The following SLC51A variants were observed in gnomAD, a reference collection of about 807,000 sequenced individuals.
The protein encoded by SLC51A is solute carrier family 51 member A, also known as organic solute transporter subunit alpha.
In SLC51A, 22 loss-of-function variants were observed where a neutral mutation model predicts 34.8. That is an observed-to-expected ratio of 0.63 (90% confidence interval 0.45 to 0.90). The LOEUF (loss-of-function observed/expected upper bound fraction) is 0.90, where lower values mean the gene tolerates loss of function less well. SLC51A is among the 40% of genes least tolerant of loss of function. SLC51A has a pLI of 0.00. For missense variants in SLC51A, 371 were observed against 414.8 expected (o/e 0.89, Z 0.92); for synonymous variants, 181 against 176.3 (o/e 1.03, Z -0.21).
intron 2 of SLC51A, among the ~76,000 whole-genome samples, chr3:196,219,094 C>T (rs537582947): frequency 1.2e-4 from 19 of 152,154 alleles, no homozygotes; most frequent in South Asian, 2.1e-4. Flanking sequence ...GGCGTGGTGG[C>T]GGGCACCTGT....
At chr3:196,227,207 C>CCGTCACTTA (rs57985677) in intron 3 of SLC51A, 88 bp downstream of exon 3, 1 of 1,443,318 alleles carries the variant, frequency 6.9e-7, no homozygotes, top group Non-Finnish European at 9.4e-7. Context: ...CACGTCACTT[C>CCGTCACTTA]GGCAAAGAGT....
In SLC51A at chr3:196,227,437, C is replaced by T. The variant is rs374416588; in HGVS notation, c.289-227C>T. On this transcript the variant is annotated intron_variant, in intron 3 of 8. Coordinates refer to ENST00000296327, the MANE Select transcript of SLC51A (RefSeq NM_152672.6). The stretch of plus-strand genomic sequence containing the variant: ...TTCCTCAGAGTGTGGGGGAAAGTCT[C>T]ATTCCACAGGGTCACACTCAGCTCC... 1,198 of 596,072 alleles carry T rather than the reference C, an allele frequency of 2.0e-3. 33 individuals are homozygous for T. The South Asian group carries it at 0.023, about 11-fold the overall frequency. 36.9% of individuals were successfully genotyped at this position (596,072 alleles called of 1,614,324 possible).
At position 196,228,674 on chromosome 3, in the gene SLC51A, G is replaced by T; in HGVS notation, c.522-135G>T. ...TCTCAACATTCTGCTTTTTTCCTCT[G>T]TCCCCATCCACTTAACCTGGTTGGT... On this transcript the variant is annotated intron_variant, in intron 5 of 8. Transcript: ENST00000296327. This position sits in a 1 kb window ranked among gnomAD's most constrained non-coding sequence, Gnocchi z 4.9. The T allele has an allele frequency of 4.1e-6, 3 of 727,440 alleles. No homozygotes were observed. Among genetic ancestry groups the T allele is most frequent in the Admixed American group, 4.5e-5 (2 of 44,052 alleles). 45.1% of individuals were successfully genotyped at this position (727,440 alleles called of 1,614,324 possible).
At chr3:196,227,966 C>A in intron 4 of SLC51A, 149 bp from the exon 5 acceptor site, 1 of 1,111,120 alleles carries the variant, frequency 9.0e-7, no homozygotes, top group South Asian at 1.5e-5. Context: ...TTCTCCCAGT[C>A]CTGTGGGCCG....
intron 7 of SLC51A, among the ~76,000 whole-genome samples, chr3:196,231,592 AATG>A (rs1186652873): frequency 6.6e-6 from 1 of 152,182 alleles, no homozygotes; most frequent in African/African-American, 2.4e-5. Flanking sequence ...AAGTCCCCGG[AATG>A]AGTCAGGGAC....
intron 7 of SLC51A, among the ~76,000 whole-genome samples, chr3:196,230,800 G>T (rs978726588): frequency 1.3e-5 from 2 of 152,118 alleles, no homozygotes; most frequent in Non-Finnish European, 2.9e-5. Context: ...TCTATTTTTA[G>T]GACACCAGTC....
At chr3:196,229,613 G>A (rs1339236626) in intron 6 of SLC51A, among the ~76,000 whole-genome samples, 1 of 151,038 alleles carries the variant, frequency 6.6e-6, no homozygotes, top group African/African-American at 2.4e-5. Flanking sequence ...CTGACCTCAG[G>A]TGATCCGCCC....
Position 196,232,563 on chromosome 3 carries a change from T to C in SLC51A, c.886+39T>C, listed in dbSNP as rs373501869. The C allele has an allele frequency of 2.0e-6, 3 of 1,519,256 alleles. No homozygotes were observed. In the African/African-American group the frequency reaches 4.1e-5, roughly 21 times the overall value. 94.1% of individuals were successfully genotyped at this position (1,519,256 alleles called of 1,614,324 possible). The stretch of plus-strand genomic sequence containing the variant: ...GCCTCCTGTCCCATCGTGGGATGGA[T>C]GAGACGGGGAGAGTCAGGAAAGAAG... On this transcript the variant is annotated intron_variant, in intron 8 of 8. Coordinates refer to ENST00000296327, the MANE Select transcript of SLC51A (RefSeq NM_152672.6).
chr3:196,217,208 G>A (rs533558751), intron 1 of SLC51A, among the ~76,000 whole-genome samples: 5 of 152,204 alleles, frequency 3.3e-5, no homozygotes, highest in African/African-American at 1.2e-4. Flanking sequence ...CCCCACCTGG[G>A]CCAGTTCTCC....
chr3:196,228,826 T>G lies in SLC51A; in HGVS notation c.539T>G (p.Leu180Arg). The G allele has an allele frequency of 6.2e-7, 1 of 1,614,154 alleles. No individual in the cohort carries two copies. Among genetic ancestry groups the G allele is most frequent in the Non-Finnish European group, 8.5e-7 (1 of 1,180,018 alleles). ...LLLTRKKLQL[L>R]MLGPFQYAFL... ...CCACTCAGGAAGAAGCTTCAGCTGC[T>G]GATGTTGGGCCCTTTCCAATACGCC... Residue 180 changes from leucine (L) to arginine (R), a missense_variant, in exon 6 of 9, where the codon CTG becomes CGG. By Grantham distance (102) the Leu-to-Arg change is moderately radical (BLOSUM62 -2). Coordinates refer to ENST00000296327, the MANE Select transcript of SLC51A (RefSeq NM_152672.6). The surrounding 1 kb of genome is among the most constrained non-coding windows in gnomAD (Gnocchi z 4.9).
chr3:196,220,178 C>T lies in SLC51A; in HGVS notation c.133+2242C>T, dbSNP rs74766584. Among the ~76,000 whole-genome samples, 168 of 152,360 alleles carry T rather than the reference C, an allele frequency of 1.1e-3. 1 individual carries two copies. In the East Asian group the frequency reaches 0.029, roughly 26 times the overall value. The stretch of plus-strand genomic sequence containing the variant: ...GCTGCGCGCCGGGCTGGCGGAGGAG[C>T]TGTGCTTTATCCCGCAGCGAGAAGG... On this transcript the variant is annotated intron_variant, in intron 2 of 8. Coordinates refer to ENST00000296327, the MANE Select transcript of SLC51A (RefSeq NM_152672.6).
In SLC51A at chr3:196,229,923, G is replaced by C. The variant is rs982864518; in HGVS notation, c.642G>C (p.Glu214Asp). 5.6e-6 allele frequency: 9 copies of C among 1,603,630 alleles called. No homozygotes were observed. The highest frequency in any genetic ancestry group is 2.2e-5 in the East Asian group (1 of 44,504). Residue 214 changes from glutamate (E) to aspartate (D), a missense_variant, in exon 7 of 9, where the codon GAG (glutamate) becomes GAC (aspartate). Physicochemically the swap from Glu to Asp is conservative, Grantham distance 45. Coordinates refer to ENST00000296327, the MANE Select transcript of SLC51A (RefSeq NM_152672.6). ...CTTTCTGTTGCCACCAGATTTCTGAGGGGAGCACAGCTCTATGGATCAACA... is the reference window on the plus strand; with the variant it reads ...CTTTCTGTTGCCACCAGATTTCTGACGGGAGCACAGCTCTATGGATCAACA... ...DGIYDPADIS[E>D]GSTALWINTF... is the part of the protein sequence containing the mutation.
At chr3:196,220,565 C>A (rs1468781569) in intron 2 of SLC51A, among the ~76,000 whole-genome samples, 1 of 152,130 alleles carries the variant, frequency 6.6e-6, no homozygotes, top group Non-Finnish European at 1.5e-5. Flanking sequence ...CCATTGCACT[C>A]CAGCCTGGGT....
intron 2 of SLC51A, among the ~76,000 whole-genome samples, chr3:196,226,026 T>C (rs183538505): frequency 1.6e-3 from 245 of 152,234 alleles, no homozygotes; most frequent in African/African-American, 4.2e-3. Context: ...TTTGTTGAAG[T>C]TCTCCCCTGG....
intron 2 of SLC51A, chr3:196,224,038 T>A: frequency 3.4e-6 from 1 of 291,776 alleles, no homozygotes; most frequent in Non-Finnish European, 6.7e-6. Context: ...TTTGTATTTT[T>A]GGTAGAGATG....
intron 7 of SLC51A, among the ~76,000 whole-genome samples, chr3:196,230,868 T>A (rs1289327793): frequency 6.6e-6 from 1 of 152,380 alleles, no homozygotes. Flanking sequence ...TAATTACATT[T>A]GTAACAAACT....
chr3:196,230,196 A>C (rs1273599527), intron 7 of SLC51A, 135 bp downstream of exon 7: 43 of 874,064 alleles, frequency 4.9e-5, no homozygotes, highest in Non-Finnish European at 4.4e-5. Context: ...TGAGATTTGG[A>C]AAATGATTCC....
Position 196,216,605 on chromosome 3 carries a change from C to T in SLC51A, c.-108C>T. 1 of 1,114,032 alleles carries T rather than the reference C, an allele frequency of 9.0e-7. No individual in the cohort carries two copies. The allele number at this position is 1,114,032 out of a possible 1,614,324, so 69.0% of individuals were successfully genotyped here. ...GGGGAAGACTCTGCAATTCTGCTTGCCCCCCACCCCGGCCCAGGCAAGCCA... is the reference window on the plus strand; with the variant it reads ...GGGGAAGACTCTGCAATTCTGCTTGTCCCCCACCCCGGCCCAGGCAAGCCA... On this transcript the variant is annotated 5_prime_UTR_variant, in exon 1 of 9. Transcript: ENST00000296327. This position sits in a 1 kb window ranked among gnomAD's most constrained non-coding sequence, Gnocchi z 4.5.
intron 2 of SLC51A, among the ~76,000 whole-genome samples, chr3:196,226,145 C>T (rs923893425): frequency 3.9e-5 from 6 of 152,004 alleles, no homozygotes; most frequent in African/African-American, 9.7e-5. Context: ...AGTGAGACCC[C>T]GTCTCTACAG....
Sources: allele counts gnomAD v4.1 joint callset (sites outside exome capture counted in the v4.1 genomes callset), GRCh38; gene constraint gnomAD v4.1.1; non-coding constraint Gnocchi (gnomAD v3.1); transcripts MANE v1.5; gene names NCBI Gene and HGNC (gene_info 2026-07-23, HGNC 2026-07-21).